CACNA1E: variants seen among roughly 807,000 people sequenced by gnomAD.
The protein encoded by CACNA1E is calcium voltage-gated channel subunit alpha1 E, also known as voltage-dependent R-type calcium channel subunit alpha-1E.
Under a neutral mutation model 259.2 loss-of-function variants are expected in CACNA1E, and 40 were observed. The ratio of observed to expected loss-of-function variants is 0.15; its 90% confidence interval spans 0.12 to 0.20. The LOEUF is 0.20. Among genes scored for constraint, CACNA1E ranks in the 10% least tolerant of loss-of-function variants. The probability of loss-of-function intolerance (pLI) is 1.00; values close to 1 mark genes in which losing one functional copy is unlikely to be tolerated. For missense variants in CACNA1E, 1,874 were observed against 3,040.1 expected, an observed-to-expected ratio of 0.62 and a Z score of 9.02; for synonymous variants, 1,104 against 1,138.5, an observed-to-expected ratio of 0.97 and a Z score of 0.61.
At chr1:181,506,989 A>G (rs1041607597) in intron 1 of CACNA1E, among the ~76,000 whole-genome samples, 25 of 152,222 alleles carry the variant, frequency 1.6e-4, no homozygotes, top group African/African-American at 6.0e-4. Context: ...GATGCCCTAT[A>G]AGGCTGAAAG....
intron 6 of CACNA1E, among the ~76,000 whole-genome samples, chr1:181,636,826 C>T (rs1397158109): frequency 1.3e-5 from 2 of 152,196 alleles, no homozygotes; most frequent in Admixed American, 6.5e-5. Context: ...CTTGACCAGT[C>T]TTTCCATCTA....
At chr1:181,759,954 C>T (rs1658432095) in intron 32 of CACNA1E, among the ~76,000 whole-genome samples, 1 of 152,102 alleles carries the variant, frequency 6.6e-6, no homozygotes, top group African/African-American at 2.4e-5. Flanking sequence ...TTGCAGTTGG[C>T]TGCATTGTGT....
At chr1:181,484,978 C>T (rs1663658366) in intron 1 of CACNA1E, among the ~76,000 whole-genome samples, 1 of 152,244 alleles carries the variant, frequency 6.6e-6, no homozygotes. Flanking sequence ...GCACCAAATG[C>T]AGACTGCTGA....
intron 43 of CACNA1E, among the ~76,000 whole-genome samples, chr1:181,789,034 ATTTTT>A (rs11353754): frequency 6.6e-6 from 1 of 151,972 alleles, no homozygotes; most frequent in Non-Finnish European, 1.5e-5. Context: ...CTGCTGGCTA[ATTTTT>A]TTTGTAGAGA....
rs150382960 is a variant in CACNA1E, at chr1:181,431,137, T to C, written c.434+17557T>C. ...AAAATAAAAAAAAAAGAATTCAAAT[T>C]GTGCAAGTAAAACAAAAGGTAAATT... is the stretch of plus-strand genomic sequence containing the variant. On this transcript the variant is annotated intron_variant, in intron 2 of 11. Coordinates refer to the CACNA1E transcript ENST00000524607. Among the ~76,000 whole-genome samples, 15 of 152,284 alleles carry C rather than the reference T, an allele frequency of 9.9e-5. No homozygotes were observed. The East Asian group carries it at 2.7e-3, about 27-fold the overall frequency.
intron 1 of CACNA1E, among the ~76,000 whole-genome samples, chr1:181,321,775 TAA>T (rs1295726398): frequency 6.6e-6 from 1 of 152,188 alleles, no homozygotes; most frequent in African/African-American, 2.4e-5. Context: ...ATAGGGTAGT[TAA>T]AGAGTACTGC....
chr1:181,396,771 A>G (rs573394583), intron 1 of CACNA1E, among the ~76,000 whole-genome samples: 2 of 152,372 alleles, frequency 1.3e-5, no homozygotes, highest in South Asian at 4.1e-4. Flanking sequence ...GCTAAAACAG[A>G]TAAAATTACC....
At chr1:181,671,381 A>G (rs1240343919) in intron 7 of CACNA1E, among the ~76,000 whole-genome samples, 3 of 152,264 alleles carry the variant, frequency 2.0e-5, no homozygotes, top group African/African-American at 7.2e-5. Flanking sequence ...ATAGTGAACA[A>G]GAAGATGCAG....
chr1:181,418,498 A>G (rs2102176912), intron 2 of CACNA1E, among the ~76,000 whole-genome samples: 1 of 152,128 alleles, frequency 6.6e-6, no homozygotes, highest in East Asian at 1.9e-4. Context: ...TATACTGCTG[A>G]CCTCTAAATT....
At chr1:181,330,457 C>A (rs1399638029) in intron 1 of CACNA1E, among the ~76,000 whole-genome samples, 1 of 152,176 alleles carries the variant, frequency 6.6e-6, no homozygotes. Context: ...AGGAGAGTGC[C>A]AGAGGGTCAG....
At chr1:181,432,990 T>C (rs1358311036) in intron 2 of CACNA1E, among the ~76,000 whole-genome samples, 1 of 152,198 alleles carries the variant, frequency 6.6e-6, no homozygotes. Context: ...TTGCACTAAG[T>C]CTTTGAATGC....
intron 1 of CACNA1E, among the ~76,000 whole-genome samples, chr1:181,505,610 G>A (rs1350596397): frequency 2.6e-5 from 4 of 151,960 alleles, no homozygotes; most frequent in East Asian, 1.9e-4. Flanking sequence ...TCCTGACCTC[G>A]TGATCTGCCC....
intron 7 of CACNA1E, among the ~76,000 whole-genome samples, chr1:181,681,555 G>A (rs906119252): frequency 1.3e-5 from 2 of 151,868 alleles, no homozygotes; most frequent in African/African-American, 4.8e-5. Flanking sequence ...TTAGTTTTTG[G>A]CAAAAACATA....
At chr1:181,794,833 C>A in intron 45 of CACNA1E, 31 bp from the exon 46 acceptor site, 1 of 1,586,818 alleles carries the variant, frequency 6.3e-7, no homozygotes, top group South Asian at 1.1e-5. Flanking sequence ...TAATCCATAC[C>A]TTGTGTTTCT....
intron 6 of CACNA1E, among the ~76,000 whole-genome samples, chr1:181,610,048 A>T (rs143631460): frequency 1.4e-3 from 209 of 152,284 alleles, no homozygotes; most frequent in Non-Finnish European, 2.5e-3. Flanking sequence ...TATTCATTGG[A>T]TGGTGAAGAA....
intron 27 of CACNA1E, 117 bp from the exon 28 acceptor site, chr1:181,755,120 C>T (rs1270572481): frequency 2.4e-5 from 18 of 736,448 alleles, no homozygotes; most frequent in Non-Finnish European, 3.4e-5. Context: ...AGGAAATTCT[C>T]TCCTGGGACA....
At chr1:181,528,634 G>T (rs1667539638) in intron 3 of CACNA1E, among the ~76,000 whole-genome samples, 1 of 152,216 alleles carries the variant, frequency 6.6e-6, no homozygotes, top group African/African-American at 2.4e-5. Flanking sequence ...CCAGGCTGTG[G>T]TTGTCTCAGG....
chr1:181,416,237 C>T (rs774196266), intron 2 of CACNA1E, among the ~76,000 whole-genome samples: 48 of 152,312 alleles, frequency 3.2e-4, no homozygotes, highest in Admixed American at 2.0e-3. Context: ...GTTCTGCAGA[C>T]GCCAGTAGGC....
intron 2 of CACNA1E, among the ~76,000 whole-genome samples, chr1:181,429,937 G>A (rs1369305677): frequency 5.3e-5 from 8 of 152,204 alleles, no homozygotes; most frequent in Admixed American, 1.3e-4. Context: ...GCAACTGGGC[G>A]GGCAGGTACC....
Sources: gnomAD v4.1 joint callset for allele counts (sites outside exome capture counted in the v4.1 genomes callset) on GRCh38, gnomAD v4.1.1 for gene constraint, MANE v1.5 for transcripts, NCBI Gene and HGNC (gene_info 2026-07-23, HGNC 2026-07-21) for gene names.